ZNF560: variants seen among roughly 807,000 people sequenced by gnomAD.
ZNF560 encodes the protein zinc finger protein 560.
ZNF560 carries 54 observed loss-of-function variants against 81.8 expected under a neutral mutation model. The ratio of observed to expected loss-of-function variants is 0.66; its 90% CI spans 0.53 to 0.83. ZNF560 has a LOEUF of 0.83. Among genes scored for constraint, ZNF560 ranks in the 40% least tolerant of loss-of-function variants. The pLI, the probability that ZNF560 is intolerant of heterozygous loss-of-function variation, is 0.00. For synonymous variants in ZNF560, 321 were observed against 317.9 expected, an observed-to-expected ratio of 1.01 and a Z score of -0.10; for missense variants, 940 against 932.4, an observed-to-expected ratio of 1.01 and a Z score of -0.11.
At position 9,466,943 on chromosome 19, in the gene ZNF560, A is replaced by T. The variant is rs146428839; in HGVS notation, c.2004T>A (p.Ser668=). Reference sequence around the variant, plus strand: ...TTTTTAAGTGTTGAGTTAGTACACAAGACCTACTGTAAGCTTTTTCACATG... The same window carrying T: ...TTTTTAAGTGTTGAGTTAGTACACATGACCTACTGTAAGCTTTTTCACATG... The part of the protein sequence containing the change: ...CNACEKAYSR[S]CVLTQHLKTH... Residue 668 remains serine (S), a synonymous_variant, in exon 10 of 10, where the codon TCT becomes TCA. Transcript: ENST00000301480. The T allele has an allele frequency of 2.3e-5, 37 of 1,614,122 alleles. No homozygotes were observed. In the East Asian group the frequency reaches 8.2e-4, roughly 36 times the overall value.
chr19:9,456,968 A>C, the ZNF560 span, among the ~76,000 whole-genome samples: 4 of 152,178 alleles, frequency 2.6e-5, no homozygotes, highest in African/African-American at 9.7e-5. Context: ...GGAAAGACAA[A>C]GTTCCCGCCA....
the ZNF560 span, among the ~76,000 whole-genome samples, chr19:9,459,413 G>A: frequency 1.9e-4 from 29 of 152,292 alleles, no homozygotes; most frequent in African/African-American, 6.7e-4. Flanking sequence ...TGGGGCAGAG[G>A]TTATGCTTGT....
the ZNF560 span, among the ~76,000 whole-genome samples, chr19:9,504,663 C>T: frequency 6.6e-6 from 1 of 152,174 alleles, no homozygotes; most frequent in African/African-American, 2.4e-5. Context: ...TCATATATAA[C>T]TCTCCAATTA....
chr19:9,461,844 A>G (rs766943603), downstream of ZNF560, among the ~76,000 whole-genome samples: 47 of 152,242 alleles, frequency 3.1e-4, no homozygotes, highest in Non-Finnish European at 6.0e-4. Context: ...TTGCAAAATT[A>G]AGAGAACAAA....
chr19:9,468,733 T>G (rs945372311), intron 9 of ZNF560, among the ~76,000 whole-genome samples: 2 of 150,736 alleles, frequency 1.3e-5, no homozygotes, highest in African/African-American at 4.9e-5. Context: ...TTCTTTTTTT[T>G]TTTTTTTTTT....
rs1159716659 is a variant in ZNF560 at position 9,477,492 on chromosome 19, G to A, written c.-56-2123C>T. On this transcript the variant is annotated intron_variant, in intron 2 of 9. Coordinates refer to ENST00000301480, the MANE Select transcript of ZNF560 (RefSeq NM_152476.3). ...GACTATAAAGAATTAGAACAAGAAT[G>A]TCATCCTTTACAAACAAGTCAGAAC... Among the ~76,000 whole-genome samples, 5 of 152,288 alleles carry A rather than the reference G, an allele frequency of 3.3e-5. No individual in the cohort carries two copies. In the East Asian group the frequency reaches 9.7e-4, roughly 29 times the overall value.
chr19:9,459,533 T>C, the ZNF560 span, among the ~76,000 whole-genome samples: 2 of 152,114 alleles, frequency 1.3e-5, no homozygotes, highest in Non-Finnish European at 1.5e-5. Context: ...CTACGAAGTA[T>C]GGCAGAGTCA....
chr19:9,501,828 CA>C (rs2144739822), upstream of ZNF560, among the ~76,000 whole-genome samples: 1 of 151,800 alleles, frequency 6.6e-6, no homozygotes, highest in East Asian at 2.0e-4. Context: ...GCTTCAGTAA[CA>C]ATGTAATGAA....
the ZNF560 span, among the ~76,000 whole-genome samples, chr19:9,505,366 A>T: frequency 2.1e-3 from 318 of 152,328 alleles, 2 homozygotes; most frequent in African/African-American, 7.3e-3. Context: ...TGCATGGAAT[A>T]TCTTCTTCCC....
intron 2 of ZNF560, among the ~76,000 whole-genome samples, chr19:9,497,300 G>C (rs1446257223): frequency 1.3e-5 from 2 of 151,852 alleles, no homozygotes; most frequent in Admixed American, 1.3e-4. Flanking sequence ...TCTTATCATT[G>C]AGTCAGGCAT....
At chr19:9,484,737 C>T (rs1299648191) in intron 2 of ZNF560, among the ~76,000 whole-genome samples, 5 of 150,532 alleles carry the variant, frequency 3.3e-5, no homozygotes, top group East Asian at 1.9e-4. Flanking sequence ...GAGCTGAGAT[C>T]GCACCACTGC....
the ZNF560 span, among the ~76,000 whole-genome samples, chr19:9,459,827 G>A: frequency 6.6e-6 from 1 of 152,054 alleles, no homozygotes; most frequent in African/African-American, 2.4e-5. Context: ...TATGCCCTGG[G>A]CTTAGACTGT....
chr19:9,490,650 T>C (rs913748769), intron 2 of ZNF560, among the ~76,000 whole-genome samples: 1 of 152,224 alleles, frequency 6.6e-6, no homozygotes, highest in African/African-American at 2.4e-5. Flanking sequence ...CAAATGAACA[T>C]AGTTGTTCTG....
At chr19:9,490,504 T>C (rs183211749) in intron 2 of ZNF560, among the ~76,000 whole-genome samples, 2 of 152,348 alleles carry the variant, frequency 1.3e-5, no homozygotes, top group East Asian at 3.9e-4. Context: ...ATAAGAACCC[T>C]ACTATAACAG....
Position 9,474,249 on chromosome 19 carries a change from T to A in ZNF560, c.107A>T (p.Asn36Ile), listed in dbSNP as rs767139696. Residue 36 changes from asparagine to isoleucine, a missense_variant, in exon 4 of 10, where the codon AAC (asparagine) becomes ATC (isoleucine). By Grantham distance (149) the Asn-to-Ile change is moderately radical. Coordinates refer to ENST00000301480, the MANE Select transcript of ZNF560 (RefSeq NM_152476.3). Reference protein sequence around the residue: ...EWILLDPVQRNLYRDVMLENY... With the variant: ...EWILLDPVQRILYRDVMLENY... ...CTCCAGCATCACATCTCTGTATAAG[T>A]TTCTCTGAACTGGGTCCAGTAAAAT... is the stretch of plus-strand genomic sequence containing the variant. 70 of 1,614,152 alleles carry A rather than the reference T, an allele frequency of 4.3e-5. No homozygotes were observed. In the Middle Eastern group the frequency reaches 8.2e-4, roughly 19 times the overall value.
chr19:9,454,298 C>T, the ZNF560 span, among the ~76,000 whole-genome samples: 20 of 152,186 alleles, frequency 1.3e-4, no homozygotes. Context: ...TCTCATTGCA[C>T]TTCTGATCCC....
At chr19:9,447,210 C>T in the ZNF560 span, among the ~76,000 whole-genome samples, 1 of 151,682 alleles carries the variant, frequency 6.6e-6, no homozygotes, top group African/African-American at 2.4e-5. Flanking sequence ...ATTCTACAGC[C>T]ATAACAAAAT....
intron 4 of ZNF560, 52 bp downstream of exon 4, chr19:9,474,147 C>A (rs761874224): frequency 6.2e-7 from 1 of 1,607,408 alleles, no homozygotes; most frequent in African/African-American, 1.3e-5. Context: ...ACAGCAAGTA[C>A]ACAATGTATA....
chr19:9,477,759 T>C (rs893517974), intron 2 of ZNF560, among the ~76,000 whole-genome samples: 1 of 152,130 alleles, frequency 6.6e-6, no homozygotes, highest in Non-Finnish European at 1.5e-5. Flanking sequence ...CCTTCCTTTA[T>C]GGTTCTTACA....
Sources: allele counts gnomAD v4.1 joint callset (sites outside exome capture counted in the v4.1 genomes callset), GRCh38; gene constraint gnomAD v4.1.1; transcripts MANE v1.5; gene names NCBI Gene and HGNC (gene_info 2026-07-23, HGNC 2026-07-21).